Variants in UBE3D observed in about 807,000 individuals in gnomAD.
UBE3D encodes ubiquitin protein ligase E3D, also known as E3 ubiquitin-protein ligase E3D.
In UBE3D, 48 loss-of-function variants were observed where a neutral mutation model predicts 49.6. The observed-to-expected ratio is 0.97, with a 90% CI of 0.77 to 1.23. The LOEUF (loss-of-function observed/expected upper bound fraction) is 1.23. Ranked by LOEUF, UBE3D falls within the 50% of genes most tolerant of loss-of-function variation. UBE3D has a pLI of 0.00. For synonymous variants in UBE3D, 189 were observed against 174.2 expected, an observed-to-expected ratio of 1.08 and a Z score of -0.67; for missense variants, 452 against 468.4, an observed-to-expected ratio of 0.96 and a Z score of 0.32.
chr6:82,971,630 C>T (rs544270529), intron 8 of UBE3D, among the ~76,000 whole-genome samples: 295 of 152,114 alleles, frequency 1.9e-3, no homozygotes, highest in Non-Finnish European at 3.6e-3. Flanking sequence ...TGCTATGTTG[C>T]CCAGGCTGAT....
intron 5 of UBE3D, among the ~76,000 whole-genome samples, chr6:83,035,171 A>G (rs1441338034): frequency 8.0e-6 from 1 of 124,912 alleles, no homozygotes; most frequent in Admixed American, 8.7e-5. Flanking sequence ...ACAGAGTGAG[A>G]CTATGTCTCA....
chr6:83,045,391 A>T (rs1157857355), intron 3 of UBE3D, among the ~76,000 whole-genome samples: 1 of 152,106 alleles, frequency 6.6e-6, no homozygotes, highest in Non-Finnish European at 1.5e-5. Context: ...TACTGGTGAG[A>T]TTCATCTAGT....
At chr6:82,960,668 C>T (rs751590805) in intron 8 of UBE3D, among the ~76,000 whole-genome samples, 4 of 151,814 alleles carry the variant, frequency 2.6e-5, no homozygotes, top group Non-Finnish European at 5.9e-5. Context: ...ATTTGGGATA[C>T]GTCTATGTCT....
At chr6:83,033,910 G>A (rs913494197) in intron 5 of UBE3D, among the ~76,000 whole-genome samples, 1 of 152,056 alleles carries the variant, frequency 6.6e-6, no homozygotes, top group African/African-American at 2.4e-5. Flanking sequence ...TAAAGCTGTG[G>A]GCTTTTCCTG....
intron 8 of UBE3D, among the ~76,000 whole-genome samples, chr6:82,963,480 A>G (rs151047615): frequency 1.1e-3 from 166 of 152,306 alleles, no homozygotes; most frequent in African/African-American, 3.8e-3. Context: ...AGGTCCCACA[A>G]TAGGCTGTTT....
At chr6:82,992,511 C>A (rs1582573981) in intron 8 of UBE3D, among the ~76,000 whole-genome samples, 1 of 152,156 alleles carries the variant, frequency 6.6e-6, no homozygotes, top group African/African-American at 2.4e-5. Flanking sequence ...GCGTGAGCCA[C>A]CACGCCCAGC....
intron 2 of UBE3D, among the ~76,000 whole-genome samples, chr6:83,057,584 T>C (rs1050990285): frequency 1.3e-5 from 2 of 152,210 alleles, no homozygotes; most frequent in South Asian, 4.1e-4. Context: ...GGGAAATCTC[T>C]ATACTTTCTG....
chr6:82,938,856 A>C (rs1156396442), intron 9 of UBE3D, among the ~76,000 whole-genome samples: 1 of 152,086 alleles, frequency 6.6e-6, no homozygotes, highest in Non-Finnish European at 1.5e-5. Context: ...TCTAAATTTT[A>C]AACAAGCTTC....
chr6:82,890,811 CAG>C (rs1770965668), downstream of UBE3D, among the ~76,000 whole-genome samples: 1 of 152,144 alleles, frequency 6.6e-6, no homozygotes, highest in African/African-American at 2.4e-5. Context: ...TTGAGCAGTA[CAG>C]AGTTATCTGT....
intron 9 of UBE3D, among the ~76,000 whole-genome samples, chr6:82,950,162 T>C (rs1397357923): frequency 6.6e-6 from 1 of 152,132 alleles, no homozygotes; most frequent in Non-Finnish European, 1.5e-5. Flanking sequence ...CAAACAACTC[T>C]ATAGGAAAAT....
At chr6:82,995,374 T>C (rs1341546735) in intron 8 of UBE3D, among the ~76,000 whole-genome samples, 1 of 132,604 alleles carries the variant, frequency 7.5e-6, no homozygotes, top group Non-Finnish European at 1.6e-5. Flanking sequence ...ATTTCAATTG[T>C]GACAGTATCA....
At chr6:82,939,299 C>G (rs1238310835) in intron 9 of UBE3D, among the ~76,000 whole-genome samples, 2 of 152,116 alleles carry the variant, frequency 1.3e-5, no homozygotes, top group African/African-American at 4.8e-5. Flanking sequence ...GCCATTGGTT[C>G]AATTTTAAGA....
At chr6:82,888,219 A>G (rs1249317388), downstream of UBE3D, among the ~76,000 whole-genome samples, 1 of 151,634 alleles carries the variant, frequency 6.6e-6, no homozygotes, top group Non-Finnish European at 1.5e-5. Flanking sequence ...GTTTAGGAAG[A>G]GTTCAGCCAG....
intron 3 of UBE3D, among the ~76,000 whole-genome samples, chr6:83,051,197 T>C (rs1484537978): frequency 3.3e-5 from 5 of 152,180 alleles, no homozygotes; most frequent in African/African-American, 1.2e-4. Context: ...GAAGGCTGTA[T>C]TAGAAGAACC....
chr6:83,050,585 C>T (rs1355554308), intron 3 of UBE3D, among the ~76,000 whole-genome samples: 1 of 152,174 alleles, frequency 6.6e-6, no homozygotes, highest in Non-Finnish European at 1.5e-5. Flanking sequence ...ATTTGGGGCA[C>T]ATACATGCTC....
intron 5 of UBE3D, among the ~76,000 whole-genome samples, chr6:83,028,734 A>G (rs1781656208): frequency 6.6e-6 from 1 of 152,160 alleles, no homozygotes; most frequent in African/African-American, 2.4e-5. Context: ...TGTAGTTTCC[A>G]GTTACCATCT....
chr6:82,889,231 GT>G (rs1404962547), downstream of UBE3D, among the ~76,000 whole-genome samples: 1 of 152,128 alleles, frequency 6.6e-6, no homozygotes, highest in Non-Finnish European at 1.5e-5. Context: ...ATTAATATTT[GT>G]TATACATTAG....
intron 9 of UBE3D, among the ~76,000 whole-genome samples, chr6:82,949,954 GC>G (rs924585601): frequency 3.9e-5 from 6 of 152,118 alleles, no homozygotes; most frequent in African/African-American, 1.4e-4. Context: ...ATTGAATTGG[GC>G]AAAGATTTCT....
chr6:83,027,271 A>C (rs1781529242), intron 5 of UBE3D, among the ~76,000 whole-genome samples: 1 of 151,606 alleles, frequency 6.6e-6, no homozygotes, highest in South Asian at 2.1e-4. Context: ...CCCCATCTCT[A>C]CTAAAAATAC....
Sources: gnomAD v4.1 joint callset for allele counts (sites outside exome capture counted in the v4.1 genomes callset) on GRCh38, gnomAD v4.1.1 for gene constraint, MANE v1.5 for transcripts, NCBI Gene and HGNC (gene_info 2026-07-23, HGNC 2026-07-21) for gene names.